Variants in HIP1 observed in about 807,000 individuals in gnomAD.
HIP1 encodes the protein huntingtin-interacting protein 1.
In HIP1, 65 loss-of-function variants were observed where a neutral mutation model predicts 147.6. The ratio of observed to expected loss-of-function variants is 0.44; its 90% confidence interval spans 0.36 to 0.54. The LOEUF (loss-of-function observed/expected upper bound fraction) is 0.54, where lower values mean the gene tolerates loss of function less well. HIP1 is among the 20% of genes least tolerant of loss of function. The pLI is 0.00. For missense variants in HIP1, 1,061 were observed against 1,299.6 expected (o/e 0.82, Z 2.82); for synonymous variants, 479 against 504.0 (o/e 0.95, Z 0.67).
At chr7:75,711,596 C>A (rs183112136) in intron 1 of HIP1, among the ~76,000 whole-genome samples, 1 of 152,130 alleles carries the variant, frequency 6.6e-6, no homozygotes, top group Admixed American at 6.6e-5. Context: ...ATCAAAAACG[C>A]CATCCTAAAG....
chr7:75,670,475 T>C (rs1799699791), intron 1 of HIP1, among the ~76,000 whole-genome samples: 1 of 152,172 alleles, frequency 6.6e-6, no homozygotes, highest in Non-Finnish European at 1.5e-5. Context: ...TTATCACTGT[T>C]TTTAAGTGTA....
intron 9 of HIP1, among the ~76,000 whole-genome samples, chr7:75,563,594 T>A (rs1795307490): frequency 6.6e-6 from 1 of 152,240 alleles, no homozygotes; most frequent in Non-Finnish European, 1.5e-5. Context: ...TAGAGTAACA[T>A]TAAAAGAAAT....
Position 75,549,456 on chromosome 7 carries a change from C to T in HIP1, c.2296-455G>A, listed in dbSNP as rs1167804. Reference sequence around the variant, plus strand: ...CACAATCTCGGCTCACTGCAGCCTCCGCCTCCCGGGCTCAAGGGATTATCC... The same window carrying T: ...CACAATCTCGGCTCACTGCAGCCTCTGCCTCCCGGGCTCAAGGGATTATCC... On this transcript the variant is annotated intron_variant, in intron 22 of 30. Transcript: ENST00000336926. 6.1e-3 allele frequency among the ~76,000 whole-genome samples: 926 copies of T among 150,844 alleles called. 10 individuals are homozygous for T. The highest frequency in any genetic ancestry group is 0.021 in the African/African-American group (860 of 41,022).
At chr7:75,572,664 G>A (rs1435814675) in intron 8 of HIP1, among the ~76,000 whole-genome samples, 1 of 152,208 alleles carries the variant, frequency 6.6e-6, no homozygotes, top group African/African-American at 2.4e-5. Flanking sequence ...CACCCTGCTG[G>A]ATGGGGCTGT....
In HIP1 at chr7:75,554,437, T is replaced by C. The variant is rs369067189; in HGVS notation, c.2050+3A>G. On this transcript the variant is annotated splice_donor_region_variant and intron_variant, in intron 20 of 30. Coordinates refer to ENST00000336926, the MANE Select transcript of HIP1 (RefSeq NM_005338.7). The stretch of plus-strand genomic sequence containing the variant: ...GACAGAGACTGTCCTTGGCCATTCT[T>C]ACCTTCTGGGCAGGCCAGATACTGG... 9.0e-5 allele frequency: 145 copies of C among 1,611,976 alleles called. No individual in the cohort carries two copies. The highest frequency in any genetic ancestry group is 7.6e-5 in the Non-Finnish European group (90 of 1,178,218).
intron 1 of HIP1, among the ~76,000 whole-genome samples, chr7:75,706,751 T>G (rs1801019930): frequency 9.1e-6 from 1 of 109,608 alleles, no homozygotes; most frequent in Non-Finnish European, 1.8e-5. Flanking sequence ...CATCTAGCAT[T>G]AGGTATATCT....
At chr7:75,643,681 A>C (rs1171354128) in intron 1 of HIP1, among the ~76,000 whole-genome samples, 1 of 152,162 alleles carries the variant, frequency 6.6e-6, no homozygotes, top group Non-Finnish European at 1.5e-5. Flanking sequence ...TATTACCTGC[A>C]TAATAGAGAT....
intron 1 of HIP1, among the ~76,000 whole-genome samples, chr7:75,705,157 T>C (rs1554519553): frequency 4.6e-5 from 7 of 152,112 alleles, no homozygotes; most frequent in Non-Finnish European, 1.0e-4. Context: ...AACTCTATCC[T>C]ATTAAACAAT....
At chr7:75,584,815 C>G (rs587666984) in intron 5 of HIP1, among the ~76,000 whole-genome samples, 2 of 152,116 alleles carry the variant, frequency 1.3e-5, no homozygotes, top group Admixed American at 1.3e-4. Context: ...AAAATCCTAC[C>G]CTAGGCCCTT....
Position 75,592,401 on chromosome 7 carries a change from G to T in HIP1, c.298C>A (p.His100Asn). The T allele has an allele frequency of 6.2e-7, 1 of 1,611,178 alleles. No individual in the cohort carries two copies. The highest frequency in any genetic ancestry group is 8.5e-7 in the Non-Finnish European group (1 of 1,179,294). Residue 100 changes from histidine to asparagine, a missense_variant, in exon 3 of 31, where the codon CAC becomes AAC. Around this residue, in one of 3 missense-constraint regions of HIP1, gnomAD observed 225 missense variants for 292.9 expected, o/e 0.77. Coordinates refer to ENST00000336926, the MANE Select transcript of HIP1 (RefSeq NM_005338.7). Reference protein sequence around the residue: ...VLCWKFCHVFHKLLRDGHPNV... With the variant: ...VLCWKFCHVFNKLLRDGHPNV... The stretch of plus-strand genomic sequence containing the variant: ...GGGTGTCCATCTCGGAGGAGTTTGT[G>T]GAACACATGGCAGAACTTCCAGCAG...
At position 75,537,880 on chromosome 7, in the gene HIP1, G is replaced by C. The variant is rs1167831; in HGVS notation, c.*292C>G. On this transcript the variant is annotated 3_prime_UTR_variant, in exon 31 of 31. Transcript: ENST00000336926. ...GGATGTTGGTCCTCTCTGTTGAGTG[G>C]CCCTGCCCCCCACCACCCCTCTTCG... 1,118 of 479,752 alleles carry C rather than the reference G, an allele frequency of 2.3e-3. 10 individuals carry two copies. The highest frequency in any genetic ancestry group is 0.019 in the African/African-American group (991 of 51,728). The allele number at this position is 479,752 out of a possible 1,614,324, so 29.7% of individuals were successfully genotyped here.
chr7:75,680,295 G>A (rs543172121), intron 1 of HIP1, among the ~76,000 whole-genome samples: 113 of 151,918 alleles, frequency 7.4e-4, no homozygotes, highest in Non-Finnish European at 1.1e-3. Context: ...TGCCCGCCTC[G>A]GCCTCCCAAA....
chr7:75,612,676 G>A (rs1005950984), intron 1 of HIP1, among the ~76,000 whole-genome samples: 8 of 151,522 alleles, frequency 5.3e-5, no homozygotes, highest in Non-Finnish European at 1.0e-4. Context: ...AGGCCTGGTG[G>A]TGGGCGCCTG....
chr7:75,665,957 G>T (rs567021641), intron 1 of HIP1, among the ~76,000 whole-genome samples: 28 of 152,098 alleles, frequency 1.8e-4, no homozygotes, highest in African/African-American at 6.7e-4. Context: ...AAACAACTGG[G>T]CAGGCCTGTA....
At chr7:75,567,201 A>G (rs1215341253) in intron 9 of HIP1, among the ~76,000 whole-genome samples, 2 of 150,562 alleles carry the variant, frequency 1.3e-5, no homozygotes, top group Non-Finnish European at 2.9e-5. Context: ...CCTAAAGTAC[A>G]GTTTGAGATT....
At chr7:75,664,152 A>G (rs568130051) in intron 1 of HIP1, among the ~76,000 whole-genome samples, 1 of 42,688 alleles carries the variant, frequency 2.3e-5, no homozygotes, top group Non-Finnish European at 4.3e-5. Context: ...ACATACATGT[A>G]TGTGTGTATA....
chr7:75,545,931 C>T (rs587712852), intron 25 of HIP1, among the ~76,000 whole-genome samples: 1 of 152,250 alleles, frequency 6.6e-6, no homozygotes, highest in Admixed American at 6.5e-5. Flanking sequence ...CAGAGCGAGA[C>T]TCAGTCTCAA....
intron 15 of HIP1, 28 bp from the exon 16 acceptor site, chr7:75,557,798 CA>C: frequency 1.3e-6 from 2 of 1,519,150 alleles, no homozygotes; most frequent in Middle Eastern, 1.7e-4. Context: ...TGTCTTGAAC[CA>C]GGAGATCCCA....
At chr7:75,615,525 A>G (rs1554505813) in intron 1 of HIP1, among the ~76,000 whole-genome samples, 1 of 151,798 alleles carries the variant, frequency 6.6e-6, no homozygotes, top group Non-Finnish European at 1.5e-5. Flanking sequence ...GCACTCTATC[A>G]TGAATGACAG....
Sources: allele counts gnomAD v4.1 joint callset (sites outside exome capture counted in the v4.1 genomes callset), GRCh38; gene constraint gnomAD v4.1.1; regional missense constraint gnomAD v4.1.1; transcripts MANE v1.5; gene names NCBI Gene and HGNC (gene_info 2026-07-23, HGNC 2026-07-21).